Variants in CLDN10 observed in about 807,000 individuals in gnomAD.
CLDN10 encodes the protein claudin 10, also known as claudin-10.
Under a neutral mutation model 22.9 loss-of-function variants are expected in CLDN10, and 15 were observed. That is an observed-to-expected ratio of 0.65 (90% CI 0.44 to 1.01). CLDN10 has a LOEUF of 1.01. Among genes scored for constraint, CLDN10 ranks in the 50% least tolerant of loss-of-function variants. The probability of loss-of-function intolerance (pLI) is 0.00; values close to 1 mark genes in which losing one functional copy is unlikely to be tolerated. For synonymous variants in CLDN10, 114 were observed against 111.4 expected, an observed-to-expected ratio of 1.02 and a Z score of -0.15; for missense variants, 247 against 287.8, an observed-to-expected ratio of 0.86 and a Z score of 1.03.
intron 1 of CLDN10, among the ~76,000 whole-genome samples, chr13:95,534,936 G>A (rs940360287): frequency 1.3e-5 from 2 of 152,116 alleles, no homozygotes; most frequent in Non-Finnish European, 2.9e-5. Flanking sequence ...CCAATTCTGC[G>A]CAGTAAATGC....
intron 1 of CLDN10, among the ~76,000 whole-genome samples, chr13:95,504,178 G>A (rs530924191): frequency 1.3e-3 from 192 of 152,278 alleles, no homozygotes; most frequent in Admixed American, 3.5e-3. Context: ...AATTGAACCA[G>A]AAAGAGGACT....
intron 1 of CLDN10, among the ~76,000 whole-genome samples, chr13:95,518,789 T>G (rs1159506560): frequency 6.6e-6 from 1 of 151,766 alleles, no homozygotes; most frequent in African/African-American, 2.4e-5. Context: ...ATAAAAGAAG[T>G]CTAATTTTAG....
At chr13:95,488,957 T>G (rs1261343074) in intron 1 of CLDN10, among the ~76,000 whole-genome samples, 2 of 147,170 alleles carry the variant, frequency 1.4e-5, no homozygotes, top group African/African-American at 5.0e-5. Context: ...GTTCTTTTTT[T>G]TTTTTTTTTT....
chr13:95,556,080 C>G (rs2043635440), intron 1 of CLDN10, among the ~76,000 whole-genome samples: 1 of 151,890 alleles, frequency 6.6e-6, no homozygotes, highest in Non-Finnish European at 1.5e-5. Flanking sequence ...AAGTTTCACT[C>G]TGTCCCCCAG....
chr13:95,472,883 G>A (rs1327275279), intron 1 of CLDN10, among the ~76,000 whole-genome samples: 1 of 152,058 alleles, frequency 6.6e-6, no homozygotes, highest in Non-Finnish European at 1.5e-5. Context: ...GCTCACACCT[G>A]TAATCCCCGC....
intron 1 of CLDN10, among the ~76,000 whole-genome samples, chr13:95,477,887 G>A (rs1158695739): frequency 7.2e-5 from 11 of 152,188 alleles, no homozygotes; most frequent in Admixed American, 4.6e-4. Flanking sequence ...GGTTCGTTAG[G>A]GAGGCTTCTT....
rs1372053541 is a variant in CLDN10, at chr13:95,575,987, T to G, written c.465-1244T>G. 2.6e-5 allele frequency among the ~76,000 whole-genome samples: 4 copies of G among 152,186 alleles called. No individual in the cohort carries two copies. In the East Asian group the frequency reaches 5.8e-4, roughly 22 times the overall value. ...ATTAAAAGCACGCCCTGCTTCCTGC[T>G]CCCCTGGCTAGTGATGGGCCCACCC... is the stretch of plus-strand genomic sequence containing the variant. On this transcript the variant is annotated intron_variant, in intron 3 of 4. Transcript: ENST00000299339.
rs149784963 is a variant in CLDN10, at chr13:95,469,450, T to A, written c.214+35403T>A. Among the ~76,000 whole-genome samples, 1,501 of 152,332 alleles carry A rather than the reference T, an allele frequency of 9.9e-3. 20 individuals are homozygous for A. The highest frequency in any genetic ancestry group is 0.034 in the African/African-American group (1,409 of 41,556). On this transcript the variant is annotated intron_variant, in intron 1 of 4. Coordinates refer to the CLDN10 transcript ENST00000376873. ...GTTAAATTCACTCATGAAGCTTTTG[T>A]CTTTAGGAGGAAAATGTAAAGTTTT...
chr13:95,527,052 C>T (rs989393249), intron 1 of CLDN10, among the ~76,000 whole-genome samples: 5 of 152,150 alleles, frequency 3.3e-5, no homozygotes, highest in Admixed American at 6.6e-5. Flanking sequence ...TGTCAAACTT[C>T]TAATTGGACT....
intron 1 of CLDN10, chr13:95,434,198 G>T: frequency 1.5e-6 from 1 of 660,426 alleles, no homozygotes. Flanking sequence ...TGGGGTGTAT[G>T]AGTATTGGCT....
In CLDN10 at chr13:95,541,889, G is replaced by A. The variant is rs61973050; in HGVS notation, c.215-18243G>A. On this transcript the variant is annotated intron_variant, in intron 1 of 4. Coordinates refer to the CLDN10 transcript ENST00000376873. ...TCTATGTTTGTTACCTCACAACTAT[G>A]TTAGTCCATTCTCACATAGCTATAA... Among the ~76,000 whole-genome samples, 1,239 of 152,282 alleles carry A rather than the reference G, an allele frequency of 8.1e-3. 11 individuals carry two copies. The highest frequency in any genetic ancestry group is 0.012 in the Non-Finnish European group (816 of 68,022).
At chr13:95,501,037 CAG>C (rs1398927043) in intron 1 of CLDN10, among the ~76,000 whole-genome samples, 42 of 151,510 alleles carry the variant, frequency 2.8e-4, no homozygotes, top group Non-Finnish European at 5.9e-5. Flanking sequence ...TTCTTTTTTA[CAG>C]AGTATTACTC....
At chr13:95,434,054 A>C in intron 1 of CLDN10, 6 of 1,612,054 alleles carry the variant, frequency 3.7e-6, no homozygotes, top group Non-Finnish European at 3.4e-6. Flanking sequence ...GCAGGTAAAT[A>C]TAATGGCTTT....
intron 1 of CLDN10, among the ~76,000 whole-genome samples, chr13:95,465,799 T>C (rs2042577115): frequency 6.6e-6 from 1 of 152,242 alleles, no homozygotes; most frequent in South Asian, 2.1e-4. Flanking sequence ...ACTCAGAGTC[T>C]TTCTTCGCTA....
At chr13:95,495,754 AAAAAG>A (rs1307293081) in intron 1 of CLDN10, among the ~76,000 whole-genome samples, 2 of 150,354 alleles carry the variant, frequency 1.3e-5, no homozygotes, top group African/African-American at 2.4e-5. Context: ...AAAAAAAAAA[AAAAAG>A]AAAAGAAAGA....
intron 3 of CLDN10, among the ~76,000 whole-genome samples, chr13:95,576,150 C>T (rs1004727036): frequency 7.2e-5 from 11 of 152,106 alleles, no homozygotes; most frequent in Admixed American, 7.2e-4. Context: ...CACTGGGTGG[C>T]CTTGATCTGA....
At chr13:95,531,516 G>T (rs757963771) in intron 1 of CLDN10, among the ~76,000 whole-genome samples, 48 of 151,870 alleles carry the variant, frequency 3.2e-4, no homozygotes, top group Non-Finnish European at 6.5e-4. Flanking sequence ...GGAAACTTTT[G>T]GATGTTGATT....
At chr13:95,519,250 A>C (rs1473195413) in intron 1 of CLDN10, among the ~76,000 whole-genome samples, 1 of 152,202 alleles carries the variant, frequency 6.6e-6, no homozygotes. Flanking sequence ...CCAAACAAGA[A>C]GTGTGAAGGT....
chr13:95,538,840 T>C (rs1394456822), intron 1 of CLDN10, among the ~76,000 whole-genome samples: 1 of 152,174 alleles, frequency 6.6e-6, no homozygotes, highest in Non-Finnish European at 1.5e-5. Context: ...AGAAGGCGAT[T>C]TTTAAGTACT....
Sources: gnomAD v4.1 joint callset for allele counts (sites outside exome capture counted in the v4.1 genomes callset) on GRCh38, gnomAD v4.1.1 for gene constraint, MANE v1.5 for transcripts, NCBI Gene and HGNC (gene_info 2026-07-23, HGNC 2026-07-21) for gene names.